Variants in GARNL3 observed in about 807,000 individuals in gnomAD.
GARNL3 encodes GTPase activating Rap/RanGAP domain like 3, also known as GTPase-activating Rap/Ran-GAP domain-like protein 3.
In GARNL3, 63 loss-of-function variants were observed where a neutral mutation model predicts 125.0. That is an observed-to-expected ratio of 0.50 (90% confidence interval 0.41 to 0.62). The LOEUF (loss-of-function observed/expected upper bound fraction) is 0.62. Ranked by LOEUF, GARNL3 falls within the 20% of genes least tolerant of loss-of-function variation. GARNL3 has a pLI of 0.00. For synonymous variants in GARNL3, 439 were observed against 457.5 expected, an observed-to-expected ratio of 0.96 and a Z score of 0.52; for missense variants, 994 against 1,244.0, an observed-to-expected ratio of 0.80 and a Z score of 3.02.
At chr9:127,297,468 T>C (rs2064638389) in intron 2 of GARNL3, among the ~76,000 whole-genome samples, 1 of 152,126 alleles carries the variant, frequency 6.6e-6, no homozygotes, top group African/African-American at 2.4e-5. Flanking sequence ...TTTTTCTTTT[T>C]TAACACAAGG....
Position 127,318,113 on chromosome 9 carries a change from G to A in GARNL3, c.489G>A (p.Val163=). 1 of 1,604,834 alleles carries A rather than the reference G, an allele frequency of 6.2e-7. No individual in the cohort carries two copies. Among genetic ancestry groups the A allele is most frequent in the Non-Finnish European group, 8.5e-7 (1 of 1,171,600 alleles). The change falls in exon 5 of 28, where the codon GTG becomes GTA. Residue 163 remains valine, a synonymous_variant. Coordinates refer to ENST00000373387, the MANE Select transcript of GARNL3 (RefSeq NM_032293.5). The part of the protein sequence containing the change: ...LPYSPTKTLS[V]KSILSAMNLD... ...ACAGTCCCACAAAAACTCTTTCTGT[G>A]AAGTCCATCTTAAGGTGAGTTCTAA...
intron 1 of GARNL3, among the ~76,000 whole-genome samples, chr9:127,236,712 C>T (rs904713566): frequency 4.6e-5 from 7 of 152,216 alleles, no homozygotes; most frequent in Non-Finnish European, 1.0e-4. Flanking sequence ...GTGTGAGCCT[C>T]CACACGACCC....
chr9:127,357,991 G>A (rs1270989587), intron 21 of GARNL3, among the ~76,000 whole-genome samples: 1 of 152,100 alleles, frequency 6.6e-6, no homozygotes, highest in Non-Finnish European at 1.5e-5. Flanking sequence ...AAGGAAGAAG[G>A]GGTGGAAACC....
chr9:127,346,364 C>A (rs948827497), intron 16 of GARNL3, among the ~76,000 whole-genome samples: 3 of 152,054 alleles, frequency 2.0e-5, no homozygotes, highest in Admixed American at 6.5e-5. Flanking sequence ...ATGATGTGAG[C>A]CTACGTGCTT....
chr9:127,361,271 AAGAGAG>A (rs61658215), intron 21 of GARNL3, among the ~76,000 whole-genome samples: 10 of 149,168 alleles, frequency 6.7e-5, no homozygotes, highest in African/African-American at 1.2e-4. Context: ...TATTTTTTTT[AAGAGAG>A]AGAGAGAGAG....
chr9:127,294,589 G>A (rs191876038), intron 2 of GARNL3, among the ~76,000 whole-genome samples: 13 of 152,166 alleles, frequency 8.5e-5, no homozygotes, highest in Admixed American at 2.0e-4. Context: ...GGCATGAGCC[G>A]CTGCGCCCGG....
intron 2 of GARNL3, among the ~76,000 whole-genome samples, chr9:127,310,394 A>G (rs1039833484): frequency 5.3e-5 from 8 of 152,242 alleles, no homozygotes; most frequent in African/African-American, 1.7e-4. Flanking sequence ...TCACAAAAGA[A>G]TACAATAATC....
chr9:127,332,316 G>GAT lies in GARNL3; in HGVS notation c.637_638insAT (p.Gly213AspfsTer23). 1 of 1,613,884 alleles carries GAT rather than the reference G, an allele frequency of 6.2e-7. No homozygotes were observed. Among genetic ancestry groups the GAT allele is most frequent in the Non-Finnish European group, 8.5e-7 (1 of 1,179,818 alleles). ...GTTTGGGGTTCTTTTTGCCAAAGAT[G>GAT]GGCAGCTCACTGATGATGAGATGTT... On this transcript the variant is annotated frameshift_variant, in exon 8 of 28. Coordinates refer to ENST00000373387, the MANE Select transcript of GARNL3 (RefSeq NM_032293.5). LOFTEE classifies it high-confidence loss of function.
Position 127,392,759 on chromosome 9 carries a change from A to G in GARNL3, c.2871-324A>G, listed in dbSNP as rs542355405. 3.9e-5 allele frequency among the ~76,000 whole-genome samples: 6 copies of G among 152,330 alleles called. No homozygotes were observed. The South Asian group carries it at 6.2e-4, about 16-fold the overall frequency. ...CAGGCCTAGTCCCGGAACCTTGGCT[A>G]TGAGTTTCAGCCTGATCCTCAGGCC... On this transcript the variant is annotated intron_variant, in intron 27 of 27. Coordinates refer to ENST00000373387, the MANE Select transcript of GARNL3 (RefSeq NM_032293.5). This position sits in a 1 kb window ranked among gnomAD's most constrained non-coding sequence, Gnocchi z 5.2.
intron 22 of GARNL3, among the ~76,000 whole-genome samples, chr9:127,371,697 T>C (rs953262743): frequency 6.6e-6 from 1 of 152,246 alleles, no homozygotes; most frequent in Non-Finnish European, 1.5e-5. Context: ...GACAAATATA[T>C]TTTAAATGTT....
chr9:127,342,989 C>T (rs1829950311), intron 14 of GARNL3, among the ~76,000 whole-genome samples: 1 of 149,952 alleles, frequency 6.7e-6, no homozygotes, highest in Non-Finnish European at 1.5e-5. Flanking sequence ...CCTCCACCTC[C>T]TGGGTTCAAG....
In GARNL3 at chr9:127,347,960, C is replaced by T. The variant is rs111892012; in HGVS notation, c.1432-964C>T. On this transcript the variant is annotated intron_variant, in intron 16 of 27. Transcript: ENST00000373387. ...CAGCATTTACCCTCAGCCCTAATGC[C>T]GTTTTCAAAGGTGGTCCTCAGAGCC... Among the ~76,000 whole-genome samples, 152 of 152,286 alleles carry T rather than the reference C, an allele frequency of 1.0e-3. 1 individual carries two copies. The highest frequency in any genetic ancestry group is 3.5e-3 in the African/African-American group (144 of 41,556).
intron 22 of GARNL3, among the ~76,000 whole-genome samples, chr9:127,376,059 A>G (rs1300408017): frequency 6.6e-6 from 1 of 152,210 alleles, no homozygotes; most frequent in Non-Finnish European, 1.5e-5. Context: ...TCTGGGTTCA[A>G]GCGATTCTCA....
chr9:127,328,324 G>A (rs927583921), intron 7 of GARNL3, among the ~76,000 whole-genome samples: 5 of 152,114 alleles, frequency 3.3e-5, no homozygotes, highest in Admixed American at 2.0e-4. Context: ...GCTGTGTGGC[G>A]AGGCACTCTA....
chr9:127,312,834 G>T (rs1286259117), intron 3 of GARNL3, among the ~76,000 whole-genome samples: 1 of 152,200 alleles, frequency 6.6e-6, no homozygotes, highest in African/African-American at 2.4e-5. Flanking sequence ...CCAAACGCTT[G>T]CAAGTAGTGC....
rs1410968658 is a variant in GARNL3, at chr9:127,387,255, G to T, written c.2451G>T (p.Lys817Asn). 1.2e-6 allele frequency: 2 copies of T among 1,614,058 alleles called. No individual in the cohort carries two copies. Among genetic ancestry groups the T allele is most frequent in the Non-Finnish European group, 1.7e-6 (2 of 1,179,930 alleles). ...VNEVSSGGSS[K>N]GASARNSPQT... ...AGGTCTCATCTGGAGGCAGCTCCAA[G>T]GGGGCCAGTGCCCGAAATTCTCCTC... The change falls in exon 25 of 28, where the codon AAG becomes AAT. Residue 817 changes from lysine to asparagine, a missense_variant. Physicochemically the swap from Lys to Asn is moderately conservative, Grantham distance 94 (BLOSUM62 0). Transcript: ENST00000373387.
At chr9:127,260,312 T>C (rs1474902209), upstream of GARNL3, among the ~76,000 whole-genome samples, 1 of 152,218 alleles carries the variant, frequency 6.6e-6, no homozygotes, top group Non-Finnish European at 1.5e-5. Flanking sequence ...AAGCATTGTT[T>C]GTGGACCGCC....
At chr9:127,320,886 T>C in intron 6 of GARNL3, 108 bp downstream of exon 6, 1 of 706,992 alleles carries the variant, frequency 1.4e-6, no homozygotes, top group Non-Finnish European at 2.4e-6. Context: ...CCAAATCACC[T>C]ATGCAACTTT....
chr9:127,276,014 C>T (rs2063946243), intron 1 of GARNL3, among the ~76,000 whole-genome samples: 1 of 152,154 alleles, frequency 6.6e-6, no homozygotes, highest in African/African-American at 2.4e-5. Flanking sequence ...CCACAGTTTC[C>T]CTTCTTACTT....
Sources: allele counts gnomAD v4.1 joint callset (sites outside exome capture counted in the v4.1 genomes callset), GRCh38; gene constraint gnomAD v4.1.1; non-coding constraint Gnocchi (gnomAD v3.1); transcripts MANE v1.5; gene names NCBI Gene and HGNC (gene_info 2026-07-23, HGNC 2026-07-21).